Variants in EFTUD2 observed in about 807,000 individuals in gnomAD.
EFTUD2 encodes elongation factor Tu GTP binding domain containing 2, also known as 116 kDa U5 small nuclear ribonucleoprotein component.
EFTUD2 carries 9 observed loss-of-function variants against 114.3 expected under a neutral mutation model. That is an observed-to-expected ratio of 0.08 (90% confidence interval 0.05 to 0.14). EFTUD2 has a LOEUF of 0.14. EFTUD2 is among the 10% of genes least tolerant of loss of function. The probability of loss-of-function intolerance (pLI) is 1.00; values close to 1 mark genes in which losing one functional copy is unlikely to be tolerated. For synonymous variants in EFTUD2, 449 were observed against 462.3 expected (o/e 0.97, Z 0.37); for missense variants, 765 against 1,241.2 (o/e 0.62, Z 5.76).
In EFTUD2 at chr17:44,876,291, C is replaced by T. The variant is rs567933169; in HGVS notation, c.703-191G>A. Among the ~76,000 whole-genome samples the T allele has an allele frequency of 3.1e-4, 47 of 152,210 alleles. 3 individuals are homozygous for T. The highest frequency in any genetic ancestry group is 5.8e-4 in the African/African-American group (24 of 41,538). On this transcript the variant is annotated intron_variant, in intron 9 of 27. Coordinates refer to ENST00000426333, the MANE Select transcript of EFTUD2 (RefSeq NM_004247.4). ...ACAGGAACTTTAAGAGGGCACCTTGCAGGATTGAGAAATGAATAAACCCAT... is the reference window on the plus strand; with the variant it reads ...ACAGGAACTTTAAGAGGGCACCTTGTAGGATTGAGAAATGAATAAACCCAT...
At position 44,859,201 on chromosome 17, in the gene EFTUD2, C is replaced by G. The variant is rs1378261016; in HGVS notation, c.1861-20G>C. 12 of 1,564,006 alleles carry G rather than the reference C, an allele frequency of 7.7e-6. No individual in the cohort carries two copies. Among genetic ancestry groups the G allele is most frequent in the African/African-American group, 1.4e-5 (1 of 73,976 alleles). ...CTCCACCTGAAACACAACAGGCAGTCACAGCCTGGATTCTCTTATGCCAGC... is the reference window on the plus strand; with the variant it reads ...CTCCACCTGAAACACAACAGGCAGTGACAGCCTGGATTCTCTTATGCCAGC... On this transcript the variant is annotated intron_variant, in intron 18 of 27. Coordinates refer to ENST00000426333, the MANE Select transcript of EFTUD2 (RefSeq NM_004247.4).
intron 8 of EFTUD2, 29 bp from the exon 9 acceptor site, chr17:44,879,667 A>T: frequency 6.2e-7 from 1 of 1,609,790 alleles, no homozygotes; most frequent in Non-Finnish European, 8.5e-7. Flanking sequence ...GTAAGTCATC[A>T]CTTGGTGCAG....
chr17:44,882,535 C>T (rs1451828215), intron 6 of EFTUD2, among the ~76,000 whole-genome samples: 3 of 152,226 alleles, frequency 2.0e-5, no homozygotes, highest in African/African-American at 7.2e-5. Context: ...GGATTATAGG[C>T]ATGAGCCACC....
At chr17:44,883,811 G>T (rs2145548884) in intron 4 of EFTUD2, 87 bp from the exon 5 acceptor site, 1 of 1,305,682 alleles carries the variant, frequency 7.7e-7, no homozygotes, top group Non-Finnish European at 1.1e-6. Context: ...GTATTTTTTG[G>T]CCAGGAACAA....
chr17:44,879,023 T>G (rs1010705021), intron 9 of EFTUD2, among the ~76,000 whole-genome samples: 2 of 152,246 alleles, frequency 1.3e-5, no homozygotes, highest in African/African-American at 4.8e-5. Context: ...GTTTTCTGAA[T>G]AGCAATGAGT....
At chr17:44,888,048 C>G (rs1047415134) in intron 2 of EFTUD2, among the ~76,000 whole-genome samples, 3 of 150,210 alleles carry the variant, frequency 2.0e-5, no homozygotes, top group Admixed American at 1.3e-4. Context: ...AATCTGCAGA[C>G]AGAGAATAAG....
chr17:44,881,568 A>T (rs767082317), intron 7 of EFTUD2, 119 bp downstream of exon 7: 5 of 1,058,384 alleles, frequency 4.7e-6, no homozygotes, highest in Non-Finnish European at 7.2e-6. Flanking sequence ...TGAGAAGTGG[A>T]GAGAGAGGAG....
At chr17:44,869,628 A>G (rs943662923) in intron 11 of EFTUD2, among the ~76,000 whole-genome samples, 3 of 152,044 alleles carry the variant, frequency 2.0e-5, no homozygotes, top group Non-Finnish European at 4.4e-5. Flanking sequence ...TTGGTTAAAC[A>G]TTCCACTGTT....
At chr17:44,861,209 G>A (rs1024819951) in intron 16 of EFTUD2, among the ~76,000 whole-genome samples, 4 of 152,136 alleles carry the variant, frequency 2.6e-5, no homozygotes, top group African/African-American at 9.7e-5. Flanking sequence ...GGGAGGCTGA[G>A]GTGGGTGGCT....
intron 16 of EFTUD2, among the ~76,000 whole-genome samples, chr17:44,861,730 T>C (rs1411276994): frequency 2.6e-5 from 4 of 151,174 alleles, no homozygotes; most frequent in Non-Finnish European, 5.9e-5. Flanking sequence ...TGAGACTCCA[T>C]CTCAAAAAAA....
At chr17:44,876,522 G>A (rs553455757) in intron 9 of EFTUD2, among the ~76,000 whole-genome samples, 1 of 152,266 alleles carries the variant, frequency 6.6e-6, no homozygotes, top group East Asian at 1.9e-4. Context: ...ATGTACCCCA[G>A]TAGCAATGAG....
chr17:44,868,684 C>T (rs1363164616), intron 11 of EFTUD2, among the ~76,000 whole-genome samples: 1 of 152,186 alleles, frequency 6.6e-6, no homozygotes, highest in Non-Finnish European at 1.5e-5. Context: ...CCTCTATCTG[C>T]ATCTAAACCC....
chr17:44,876,255 C>T (rs1372841284), intron 9 of EFTUD2, among the ~76,000 whole-genome samples, 155 bp from the exon 10 acceptor site: 1 of 152,008 alleles, frequency 6.6e-6, no homozygotes, highest in Non-Finnish European at 1.5e-5. Flanking sequence ...GCATCCTGCC[C>T]GAAGATAGAC....
chr17:44,863,884 G>T, intron 14 of EFTUD2, 102 bp from the exon 15 acceptor site: 2 of 1,476,764 alleles, frequency 1.4e-6, no homozygotes, highest in South Asian at 1.3e-5. Context: ...AAAGTGCGGG[G>T]ACTGATTGTT....
rs768121060 is a variant in EFTUD2 at position 44,865,048 on chromosome 17, G to A, written c.1167C>T (p.Asp389=). Residue 389 remains aspartate (D), a synonymous_variant, in exon 14 of 28, where the codon GAC becomes GAT. Coordinates refer to ENST00000426333, the MANE Select transcript of EFTUD2 (RefSeq NM_004247.4). ...CGTCTAGGGTCCGTGGGAGGCTGGT[G>A]TCCACGTCACCTACAACCTGTGAGG... The part of the protein sequence containing the change: ...KILAQVVGDV[D]TSLPRTLDEL... 7 of 1,614,056 alleles carry A rather than the reference G, an allele frequency of 4.3e-6. No individual in the cohort carries two copies. The highest frequency in any genetic ancestry group is 5.1e-6 in the Non-Finnish European group (6 of 1,180,040).
At position 44,854,750 on chromosome 17, in the gene EFTUD2, C is replaced by T; in HGVS notation, c.2133-68G>A. The stretch of plus-strand genomic sequence containing the variant: ...GATTGCTGGTCCTGGAGCCACAGAC[C>T]CTCCCTTCCTGGAAGACAGTCACTT... On this transcript the variant is annotated intron_variant, in intron 21 of 27. Transcript: ENST00000426333. The surrounding 1 kb of genome is among the most constrained non-coding windows in gnomAD (Gnocchi z 4.3). 3 of 1,588,472 alleles carry T rather than the reference C, an allele frequency of 1.9e-6. No homozygotes were observed. The highest frequency in any genetic ancestry group is 1.1e-5 in the South Asian group (1 of 87,018).
chr17:44,882,955 T>C lies in EFTUD2; in HGVS notation c.492+138A>G, dbSNP rs539378676. Reference sequence around the variant, plus strand: ...AAATTATTTTCTTACAGCCTATTAATAGAGATCACAATTATAAAGCTGCAC... The same window carrying C: ...AAATTATTTTCTTACAGCCTATTAACAGAGATCACAATTATAAAGCTGCAC... On this transcript the variant is annotated intron_variant, in intron 6 of 27. Coordinates refer to ENST00000426333, the MANE Select transcript of EFTUD2 (RefSeq NM_004247.4). 1.6e-5 allele frequency: 11 copies of C among 704,314 alleles called. No individual in the cohort carries two copies. The South Asian group carries it at 1.6e-4, about 10-fold the overall frequency. 43.6% of individuals were successfully genotyped at this position (704,314 alleles called of 1,614,324 possible).
chr17:44,851,284 T>A lies in EFTUD2; in HGVS notation c.2909A>T (p.Tyr970Phe). Reference protein sequence around the residue: ...ELAKQDVVLNYPM With the variant: ...ELAKQDVVLNFPM ...CAGGAGTCCACGCACTCACATGGGGTAATTGAGCACAACATCCTGTTTGGC... is the reference window on the plus strand; with the variant it reads ...CAGGAGTCCACGCACTCACATGGGGAAATTGAGCACAACATCCTGTTTGGC... The change falls in exon 28 of 28, where the codon TAC (tyrosine) becomes TTC (phenylalanine). Residue 970 changes from tyrosine to phenylalanine, a missense_variant. Coordinates refer to ENST00000426333, the MANE Select transcript of EFTUD2 (RefSeq NM_004247.4). The A allele has an allele frequency of 6.2e-7, 1 of 1,613,936 alleles. No homozygotes were observed. The highest frequency in any genetic ancestry group is 2.2e-5 in the East Asian group (1 of 44,876).
chr17:44,860,321 G>C, intron 17 of EFTUD2, 111 bp downstream of exon 17: 2 of 850,926 alleles, frequency 2.4e-6, no homozygotes, highest in Non-Finnish European at 2.0e-6. Flanking sequence ...AGAAGGCTAA[G>C]CCTGAAACCA....
Sources: allele counts gnomAD v4.1 joint callset (sites outside exome capture counted in the v4.1 genomes callset), GRCh38; gene constraint gnomAD v4.1.1; non-coding constraint Gnocchi (gnomAD v3.1); transcripts MANE v1.5; gene names NCBI Gene and HGNC (gene_info 2026-07-23, HGNC 2026-07-21).